PCDHGA7: variants seen among roughly 807,000 people sequenced by gnomAD.
PCDHGA7 encodes the protein protocadherin gamma subfamily A, 7, also known as protocadherin gamma-A7.
In PCDHGA7, 44 loss-of-function variants were observed where a neutral mutation model predicts 58.3. That is an observed-to-expected ratio of 0.75 (90% CI 0.59 to 0.97). The LOEUF (loss-of-function observed/expected upper bound fraction) is 0.97, where lower values mean the gene tolerates loss of function less well. Among genes scored for constraint, PCDHGA7 ranks in the 50% least tolerant of loss-of-function variants. The pLI is 0.00. For missense variants in PCDHGA7, 1,266 were observed against 1,188.7 expected (o/e 1.06, Z -0.96); for synonymous variants, 516 against 504.2 (o/e 1.02, Z -0.31).
At chr5:141,482,513 A>C (rs552094845) in intron 1 of PCDHGA7, among the ~76,000 whole-genome samples, 1 of 143,798 alleles carries the variant, frequency 7.0e-6, no homozygotes, top group East Asian at 2.1e-4. Flanking sequence ...CCCAGAGTAC[A>C]GTATGAGACA....
intron 1 of PCDHGA7, among the ~76,000 whole-genome samples, chr5:141,460,983 G>GTGTGTGTA (rs1554142949): frequency 2.2e-5 from 3 of 137,844 alleles, no homozygotes; most frequent in African/African-American, 7.7e-5. Flanking sequence ...GTGTGTGTGT[G>GTGTGTGTA]TATATATATA....
intron 1 of PCDHGA7, chr5:141,475,974 A>G: frequency 1.0e-6 from 1 of 975,714 alleles, no homozygotes; most frequent in Non-Finnish European, 1.5e-6. Flanking sequence ...GCAGAGACTG[A>G]ACAGCCGGCG....
At chr5:141,418,347 G>A in intron 1 of PCDHGA7, 1 of 1,614,024 alleles carries the variant, frequency 6.2e-7, no homozygotes, top group Non-Finnish European at 8.5e-7. Flanking sequence ...CCTGATATTA[G>A]TATGAATTCG....
Position 141,485,932 on chromosome 5 carries a change from G to A in PCDHGA7, c.2425-8875G>A. ...CCAGCTACAGGATTAGTGTGTTGGA[G>A]AGCGCACCAGCGGGCATGGTGCTCA... On this transcript the variant is annotated intron_variant, in intron 1 of 3. Transcript: ENST00000518325. The surrounding 1 kb of genome is among the most constrained non-coding windows in gnomAD (Gnocchi z 5.7). The A allele has an allele frequency of 6.2e-7, 1 of 1,614,184 alleles. No homozygotes were observed. The highest frequency in any genetic ancestry group is 8.5e-7 in the Non-Finnish European group (1 of 1,180,042).
chr5:141,490,618 A>G lies in PCDHGA7; in HGVS notation c.2425-4189A>G, dbSNP rs1463273520. On this transcript the variant is annotated intron_variant, in intron 1 of 3. Transcript: ENST00000518325. The surrounding 1 kb of genome is among the most constrained non-coding windows in gnomAD (Gnocchi z 5.4). ...ACCCCGCTTCAACCAGCAGCTTTAC[A>G]CTGCTTACATCCTAGAAAACCGGCC... 4.3e-6 allele frequency: 7 copies of G among 1,613,986 alleles called. No homozygotes were observed. Among genetic ancestry groups the G allele is most frequent in the Admixed American group, 1.7e-5 (1 of 59,996 alleles).
chr5:141,501,693 G>T (rs1417828433), intron 2 of PCDHGA7, among the ~76,000 whole-genome samples: 1 of 152,028 alleles, frequency 6.6e-6, no homozygotes, highest in Non-Finnish European at 1.5e-5. Context: ...TATCTGCAGG[G>T]TGATTCCGAG....
At chr5:141,510,845 C>T (rs2099883036) in intron 3 of PCDHGA7, 102 bp from the exon 4 acceptor site, 3 of 1,593,960 alleles carry the variant, frequency 1.9e-6, no homozygotes, top group Non-Finnish European at 2.6e-6. Context: ...TGGTCAAGGC[C>T]CAGGGTGCTG....
intron 1 of PCDHGA7, chr5:141,394,841 C>A: frequency 6.2e-7 from 1 of 1,613,852 alleles, no homozygotes; most frequent in Non-Finnish European, 8.5e-7. Flanking sequence ...CCGAGTTGGG[C>A]AGTCTGAAGC....
At chr5:141,510,315 G>A (rs2099880567) in intron 3 of PCDHGA7, among the ~76,000 whole-genome samples, 1 of 151,324 alleles carries the variant, frequency 6.6e-6, no homozygotes, top group African/African-American at 2.4e-5. Flanking sequence ...TGGAGGCTTG[G>A]AAGAGCACTC....
At chr5:141,505,306 T>C in intron 2 of PCDHGA7, 87 bp from the exon 3 acceptor site, 4 of 1,596,550 alleles carry the variant, frequency 2.5e-6, no homozygotes, top group Non-Finnish European at 3.4e-6. Context: ...GTTAGGGTAC[T>C]AGGTTTGGGA....
At position 141,395,404 on chromosome 5, in the gene PCDHGA7, T is replaced by G. The variant is rs1482913976; in HGVS notation, c.2424+10081T>G. 24 of 836,172 alleles carry G rather than the reference T, an allele frequency of 2.9e-5. No homozygotes were observed. The East Asian group carries it at 6.2e-4, about 21-fold the overall frequency. 51.8% of individuals were successfully genotyped at this position (836,172 alleles called of 1,614,324 possible). A position where few individuals can be genotyped will look rare whatever the true frequency, so the allele number is the denominator to read the frequency against. ...CTATAAAATTGAACTCTAATAGTCA[T>G]AGGTTATTGTTTCATTTGCTTTTAA... On this transcript the variant is annotated intron_variant, in intron 1 of 3. Transcript: ENST00000518325.
At chr5:141,503,116 A>G (rs1303445673) in intron 2 of PCDHGA7, among the ~76,000 whole-genome samples, 11 of 151,656 alleles carry the variant, frequency 7.3e-5, no homozygotes, top group Admixed American at 4.6e-4. Flanking sequence ...GCCTCTCTTC[A>G]TACCCTCTGG....
intron 1 of PCDHGA7, among the ~76,000 whole-genome samples, chr5:141,447,644 G>A (rs1212910845): frequency 1.3e-5 from 2 of 152,146 alleles, no homozygotes; most frequent in Admixed American, 1.3e-4. Context: ...AATGATGGTA[G>A]AATTTTCCCC....
At chr5:141,460,035 A>G (rs1246945474) in intron 1 of PCDHGA7, among the ~76,000 whole-genome samples, 1 of 152,140 alleles carries the variant, frequency 6.6e-6, no homozygotes, top group Non-Finnish European at 1.5e-5. Context: ...CCGAGACTGC[A>G]CCACTGCACT....
intron 3 of PCDHGA7, among the ~76,000 whole-genome samples, chr5:141,505,999 G>A (rs891447053): frequency 1.3e-5 from 2 of 152,172 alleles, no homozygotes; most frequent in African/African-American, 4.8e-5. Flanking sequence ...TTTATGCGAG[G>A]CTCCTCTTTT....
At chr5:141,464,400 G>GAGATATATATATATCTATATATAT (rs2099082782) in intron 1 of PCDHGA7, among the ~76,000 whole-genome samples, 3 of 151,366 alleles carry the variant, frequency 2.0e-5, no homozygotes, top group African/African-American at 4.9e-5. Context: ...TGAAGAACCT[G>GAGATATATATATATCTATATATAT]AGATATATAT....
At chr5:141,418,308 T>G in intron 1 of PCDHGA7, 6 of 1,613,946 alleles carry the variant, frequency 3.7e-6, no homozygotes, top group Non-Finnish European at 5.1e-6. Flanking sequence ...AGCCTGGGGA[T>G]GGGAACAATT....
intron 1 of PCDHGA7, chr5:141,441,857 ACGCCGC>A (rs2098279969): frequency 2.8e-6 from 1 of 352,664 alleles, no homozygotes; most frequent in Non-Finnish European, 5.6e-6. Flanking sequence ...ATGGTGCTGC[ACGCCGC>A]GGAGCCTGGC....
chr5:141,434,894 C>T (rs1316284716), intron 1 of PCDHGA7, among the ~76,000 whole-genome samples: 1 of 143,118 alleles, frequency 7.0e-6, no homozygotes, highest in East Asian at 2.1e-4. Flanking sequence ...AATCCAGTCC[C>T]CTTCCCTCAT....
Sources: gnomAD v4.1 joint callset for allele counts (sites outside exome capture counted in the v4.1 genomes callset) on GRCh38, gnomAD v4.1.1 for gene constraint, Gnocchi (gnomAD v3.1) non-coding constraint, MANE v1.5 for transcripts, NCBI Gene and HGNC (gene_info 2026-07-23, HGNC 2026-07-21) for gene names.